The following MSMB variants were observed in gnomAD, a reference collection of about 807,000 sequenced individuals.
The protein encoded by MSMB is beta-microseminoprotein.
MSMB carries 10 observed loss-of-function variants against 10.5 expected under a neutral mutation model. That is an observed-to-expected ratio of 0.95 (90% CI 0.59 to 1.62). MSMB has a LOEUF of 1.62. Ranked by LOEUF, MSMB falls within the 40% of genes most tolerant of loss-of-function variation. The probability of loss-of-function intolerance (pLI) is 0.00; values close to 1 mark genes in which losing one functional copy is unlikely to be tolerated. For missense variants in MSMB, 126 were observed against 137.4 expected, an observed-to-expected ratio of 0.92 and a Z score of 0.42; for synonymous variants, 43 against 46.5, an observed-to-expected ratio of 0.93 and a Z score of 0.30.
At chr10:46,042,257 G>T (rs113211155) in intron 1 of MSMB, among the ~76,000 whole-genome samples, 2,720 of 151,946 alleles carry the variant, frequency 0.018, 32 homozygotes, top group Middle Eastern at 0.051. Context: ...ACAGAAAAAG[G>T]GCAAGAGAAA....
rs1554929416 is a variant in MSMB at position 46,046,227 on chromosome 10, TTACC to T, written c.3+4_3+7del. 2 of 1,611,316 alleles carry T rather than the reference TTACC, an allele frequency of 1.2e-6. No individual in the cohort carries two copies. ...TTCTAGCCTTTATATATAAAACCAG[TTACC>T]TACCATTGTGATAAGCAGGACTCCT... On this transcript the variant is annotated splice_donor_5th_base_variant and intron_variant, in intron 1 of 3. Transcript: ENST00000582163.
intron 1 of MSMB, 106 bp from the exon 2 acceptor site, chr10:46,040,197 T>C: frequency 1.2e-6 from 1 of 857,376 alleles, no homozygotes; most frequent in Non-Finnish European, 1.8e-6. Flanking sequence ...TGAGAGGTTA[T>C]GATGTGGAGC....
At chr10:46,041,307 C>G (rs1447345767) in intron 1 of MSMB, among the ~76,000 whole-genome samples, 1 of 144,768 alleles carries the variant, frequency 6.9e-6, no homozygotes, top group East Asian at 2.0e-4. Flanking sequence ...ATTGTGCCAC[C>G]GCACTCTAGC....
intron 3 of MSMB, among the ~76,000 whole-genome samples, chr10:46,038,531 G>A (rs940042318): frequency 2.0e-5 from 3 of 152,028 alleles, no homozygotes; most frequent in Non-Finnish European, 4.4e-5. Context: ...CTCGTGATCC[G>A]CCCGCTTCGG....
At chr10:46,041,218 G>T (rs371089323) in intron 1 of MSMB, among the ~76,000 whole-genome samples, 12 of 151,954 alleles carry the variant, frequency 7.9e-5, no homozygotes, top group African/African-American at 2.7e-4. Context: ...GGCGGCACAC[G>T]CCAGTAATCC....
intron 3 of MSMB, among the ~76,000 whole-genome samples, chr10:46,037,950 C>T (rs1840647148): frequency 6.6e-6 from 1 of 152,136 alleles, no homozygotes; most frequent in Non-Finnish European, 1.5e-5. Flanking sequence ...AACAAGAAGG[C>T]AATGTTGATG....
intron 3 of MSMB, among the ~76,000 whole-genome samples, chr10:46,038,005 AAT>A (rs1384106774): frequency 2.0e-5 from 3 of 152,190 alleles, no homozygotes; most frequent in Admixed American, 6.5e-5. Context: ...TGCTAAGTGA[AAT>A]GAGCCAGTCT....
At chr10:46,038,036 A>G (rs1270023200) in intron 3 of MSMB, among the ~76,000 whole-genome samples, 1 of 152,184 alleles carries the variant, frequency 6.6e-6, no homozygotes, top group Non-Finnish European at 1.5e-5. Flanking sequence ...CAATTACTGT[A>G]TGATTCCACT....
chr10:46,037,956 T>G (rs920473541), intron 3 of MSMB, among the ~76,000 whole-genome samples: 1 of 152,182 alleles, frequency 6.6e-6, no homozygotes, highest in East Asian at 1.9e-4. Context: ...AAGGCAATGT[T>G]GATGCAAGCG....
chr10:46,035,706 A>C (rs527674770), intron 3 of MSMB, among the ~76,000 whole-genome samples: 6 of 152,326 alleles, frequency 3.9e-5, no homozygotes, highest in Non-Finnish European at 7.3e-5. Context: ...GGAGTCATTA[A>C]AAAGATTTGG....
chr10:46,035,761 C>T (rs1288210930), intron 3 of MSMB, among the ~76,000 whole-genome samples: 3 of 151,720 alleles, frequency 2.0e-5, no homozygotes, highest in African/African-American at 4.9e-5. Flanking sequence ...TACTTAATGC[C>T]GCTGAATTGT....
intron 3 of MSMB, among the ~76,000 whole-genome samples, chr10:46,035,237 T>G (rs1694437648): frequency 6.6e-6 from 1 of 152,104 alleles, no homozygotes; most frequent in African/African-American, 2.4e-5. Flanking sequence ...CTCAATAAGT[T>G]AAACAAAAAA....
At chr10:46,034,824 CAAAAAAA>C (rs782032418) in intron 3 of MSMB, among the ~76,000 whole-genome samples, 6 of 107,450 alleles carry the variant, frequency 5.6e-5, no homozygotes. Flanking sequence ...GATTCCATCT[CAAAAAAA>C]AAAAAAAGAA....
chr10:46,044,575 GAAAAAA>G (rs56061175), intron 1 of MSMB, among the ~76,000 whole-genome samples: 35 of 38,524 alleles, frequency 9.1e-4, no homozygotes, highest in Admixed American at 3.8e-3. Flanking sequence ...CTCCGTCTCA[GAAAAAA>G]AAAAAAAAAA....
At chr10:46,042,443 A>G (rs533294571) in intron 1 of MSMB, among the ~76,000 whole-genome samples, 5 of 152,358 alleles carry the variant, frequency 3.3e-5, no homozygotes, top group African/African-American at 1.2e-4. Flanking sequence ...AGAGGTATCT[A>G]TGGGAGGTGA....
chr10:46,036,021 G>A (rs1554927489), intron 3 of MSMB, among the ~76,000 whole-genome samples: 2 of 152,214 alleles, frequency 1.3e-5, no homozygotes, highest in African/African-American at 4.8e-5. Context: ...GAGAGAGAGA[G>A]GGAGGGAGAA....
chr10:46,039,835 T>C, intron 2 of MSMB, 151 bp downstream of exon 2: 1 of 575,438 alleles, frequency 1.7e-6, no homozygotes, highest in South Asian at 2.0e-5. Context: ...TGAGCTGAAA[T>C]GGTGCCACTG....
chr10:46,041,548 A>G (rs531580713), intron 1 of MSMB, among the ~76,000 whole-genome samples: 4 of 152,132 alleles, frequency 2.6e-5, no homozygotes, highest in Non-Finnish European at 5.9e-5. Flanking sequence ...AATCTCAGCA[A>G]TTTGGGAAGC....
rs782382179 is a variant in MSMB, at chr10:46,046,257, TATAGAC to T, written c.-26_-21del. 6.2e-7 allele frequency: 1 copy of T among 1,611,740 alleles called. No homozygotes were observed. Among genetic ancestry groups the T allele is most frequent in the African/African-American group, 1.3e-5 (1 of 74,884 alleles). ...TACCATTGTGATAAGCAGGACTCCT[TATAGAC>T]AGGTACATCCAGGCAAAGCTGCATC... is the stretch of plus-strand genomic sequence containing the variant. On this transcript the variant is annotated 5_prime_UTR_variant, in exon 1 of 4. Coordinates refer to ENST00000582163, the MANE Select transcript of MSMB (RefSeq NM_002443.4).
Sources: gnomAD v4.1 joint callset for allele counts (sites outside exome capture counted in the v4.1 genomes callset) on GRCh38, gnomAD v4.1.1 for gene constraint, MANE v1.5 for transcripts, NCBI Gene and HGNC (gene_info 2026-07-23, HGNC 2026-07-21) for gene names.